Variants in EOMES observed in about 807,000 individuals in gnomAD.
EOMES encodes the protein eomesodermin, also known as eomesodermin homolog.
EOMES carries 18 observed loss-of-function variants against 61.0 expected under a neutral mutation model. That is an observed-to-expected ratio of 0.30 (90% CI 0.20 to 0.44). The LOEUF (loss-of-function observed/expected upper bound fraction) is 0.44. EOMES is among the 20% of genes least tolerant of loss of function. The probability of loss-of-function intolerance (pLI) is 1.00; values close to 1 mark genes in which losing one functional copy is unlikely to be tolerated. For synonymous variants in EOMES, 430 were observed against 394.0 expected (o/e 1.09, Z -1.08); for missense variants, 885 against 939.2 (o/e 0.94, Z 0.75).
chr3:27,721,358 G>A lies in EOMES; in HGVS notation c.881+56C>T. 6.8e-7 allele frequency: 1 copy of A among 1,465,938 alleles called. No homozygotes were observed. Among genetic ancestry groups the A allele is most frequent in the Non-Finnish European group, 9.3e-7 (1 of 1,069,794 alleles). The allele number at this position is 1,465,938 out of a possible 1,614,324, so 90.8% of individuals were successfully genotyped here. A position where few individuals can be genotyped will look rare whatever the true frequency, so the allele number is the denominator to read the frequency against. On this transcript the variant is annotated intron_variant, in intron 1 of 5. Transcript: ENST00000449599. This position sits in a 1 kb window ranked among gnomAD's most constrained non-coding sequence, Gnocchi z 7.4. ...GCTCCCTCATCCCGGACCTTCCCCAGGACCACACGTCACCCTTTATCCCCG... is the reference window on the plus strand; with the variant it reads ...GCTCCCTCATCCCGGACCTTCCCCAAGACCACACGTCACCCTTTATCCCCG...
chr3:27,720,386 A>G, intron 1 of EOMES, 61 bp from the exon 2 acceptor site: 2 of 1,490,122 alleles, frequency 1.3e-6, no homozygotes, highest in Non-Finnish European at 1.9e-6. Context: ...GAACAGGCCC[A>G]GGCCCCAGCG....
chr3:27,720,241 C>T lies in EOMES; in HGVS notation c.966G>A (p.Ala322=), dbSNP rs1202281120. The change falls in exon 2 of 6, where the codon GCG becomes GCA. Residue 322 remains alanine, a synonymous_variant. Coordinates refer to ENST00000449599, the MANE Select transcript of EOMES (RefSeq NM_001278182.2). ...CCTGGAAGCGCCAGTGGTTGGGGTCCGCCAGCACCACCTCTACGAACACAT... is the reference window on the plus strand; with the variant it reads ...CCTGGAAGCGCCAGTGGTTGGGGTCTGCCAGCACCACCTCTACGAACACAT... ...HYNVFVEVVL[A]DPNHWRFQGG... 8 of 1,613,016 alleles carry T rather than the reference C, an allele frequency of 5.0e-6. No individual in the cohort carries two copies. Among genetic ancestry groups the T allele is most frequent in the Admixed American group, 1.7e-5 (1 of 59,812 alleles).
chr3:27,719,254 C>G (rs949170181), intron 3 of EOMES, 106 bp downstream of exon 3: 1 of 1,193,686 alleles, frequency 8.4e-7, no homozygotes. Context: ...GCAAACAGGT[C>G]ACAAATGCAA....
At chr3:27,722,500 C>G, upstream of EOMES, 1 of 1,349,886 alleles carries the variant, frequency 7.4e-7, no homozygotes, top group South Asian at 2.0e-5. Context: ...GGAAGGAAAG[C>G]GCCGTGAGTT....
At position 27,722,242 on chromosome 3, in the gene EOMES, T is replaced by C; in HGVS notation, c.53A>G (p.His18Arg). 6.2e-6 allele frequency: 10 copies of C among 1,605,174 alleles called. No homozygotes were observed. The highest frequency in any genetic ancestry group is 3.4e-6 in the Non-Finnish European group (4 of 1,176,718). ...TCGCGCACTCTCCAGCGGGTAGAAG[T>C]GCGCGCCAGGCAGGTTCACTGAGCT... ...LVSSVNLPGAHFYPLESARGG... is the reference protein window; with the variant it reads ...LVSSVNLPGARFYPLESARGG... The change falls in exon 1 of 6, where the codon CAC becomes CGC. Residue 18 changes from histidine (H) to arginine (R), a missense_variant. His to Arg is a conservative substitution (Grantham distance 29). Around this residue, in one of 3 missense-constraint regions of EOMES, gnomAD observed 449 missense variants for 383.6 expected, o/e 1.17. Transcript: ENST00000449599.
Position 27,716,365 on chromosome 3 carries a change from T to G in EOMES, c.*705A>C, listed in dbSNP as rs551950106. 6.7e-6 allele frequency: 1 copy of G among 149,426 alleles called. No individual in the cohort carries two copies. The highest frequency in any genetic ancestry group is 2.0e-4 in the East Asian group (1 of 4,946). 9.3% of individuals were successfully genotyped at this position (149,426 alleles called of 1,614,324 possible). A position where few individuals can be genotyped will look rare whatever the true frequency, so the allele number is the denominator to read the frequency against. The stretch of plus-strand genomic sequence containing the variant: ...TATCTAAACACACAACTGTACACTT[T>G]TAAATTCTCCCTTTTTTTTTTTTTT... On this transcript the variant is annotated 3_prime_UTR_variant, in exon 6 of 6. Coordinates refer to ENST00000449599, the MANE Select transcript of EOMES (RefSeq NM_001278182.2).
Position 27,721,701 on chromosome 3 carries a change from C to G in EOMES, c.594G>C (p.Ala198=), listed in dbSNP as rs1190296745. The G allele has an allele frequency of 1.3e-6, 2 of 1,494,184 alleles. No individual in the cohort carries two copies. Among genetic ancestry groups the G allele is most frequent in the Admixed American group, 2.7e-5 (1 of 37,446 alleles). 92.6% of individuals were successfully genotyped at this position (1,494,184 alleles called of 1,614,324 possible). The change falls in exon 1 of 6, where the codon GCG becomes GCC. Residue 198 remains alanine, a synonymous_variant. Coordinates refer to ENST00000449599, the MANE Select transcript of EOMES (RefSeq NM_001278182.2). This position sits in a 1 kb window ranked among gnomAD's most constrained non-coding sequence, Gnocchi z 7.4. ...GSMLPPGGFP[A]AVCPPGRAQF... Reference sequence around the variant, plus strand: ...GCGCCCTCCCGGGTGGGCACACAGCCGCGGGGAAGCCGCCGGGGGGCAGCA... The same window carrying G: ...GCGCCCTCCCGGGTGGGCACACAGCGGCGGGGAAGCCGCCGGGGGGCAGCA...
In EOMES at chr3:27,717,460, T is replaced by C. The variant is rs1329457317; in HGVS notation, c.1728A>G (p.Thr576=). The C allele has an allele frequency of 4.3e-6, 7 of 1,614,218 alleles. No individual in the cohort carries two copies. Among genetic ancestry groups the C allele is most frequent in the Non-Finnish European group, 5.9e-6 (7 of 1,180,046 alleles). The part of the protein sequence containing the change: ...PYGIKSLPLQ[T]SHALGYYPDP... ...CTGGGTAATACCCCAGGGCATGGGA[T>C]GTCTGAAGGGGCAAGGATTTAATGC... Residue 576 remains threonine, a synonymous_variant, in exon 6 of 6, where the codon ACA becomes ACG. Coordinates refer to ENST00000449599, the MANE Select transcript of EOMES (RefSeq NM_001278182.2). This position sits in a 1 kb window ranked among gnomAD's most constrained non-coding sequence, Gnocchi z 4.5.
chr3:27,718,523 G>A lies in EOMES; in HGVS notation c.1379+64C>T. ...CTTCCTAAAATACATTATCAGCAAA[G>A]TGCCTGTTGATGTATGTCCTGCTCA... is the stretch of plus-strand genomic sequence containing the variant. On this transcript the variant is annotated intron_variant, in intron 5 of 5. Transcript: ENST00000449599. The A allele has an allele frequency of 4.7e-5, 50 of 1,067,906 alleles. No individual in the cohort carries two copies. The South Asian group carries it at 7.6e-4, about 16-fold the overall frequency. 66.2% of individuals were successfully genotyped at this position (1,067,906 alleles called of 1,614,324 possible). A position where few individuals can be genotyped will look rare whatever the true frequency, so the allele number is the denominator to read the frequency against.
rs375328447 is a variant in EOMES at position 27,721,432 on chromosome 3, A to T, written c.863T>A (p.Ile288Asn). ...LKFHRHQTEM[I>N]ITKQGRRMFP... The stretch of plus-strand genomic sequence containing the variant: ...CGCTCACCTGCCCTGTTTCGTAATG[A>T]TCATCTCAGTTTGGTGGCGGTGGAA... The change falls in exon 1 of 6, where the codon ATC (isoleucine) becomes AAC (asparagine). Residue 288 changes from isoleucine (I) to asparagine (N), a missense_variant. Coordinates refer to ENST00000449599, the MANE Select transcript of EOMES (RefSeq NM_001278182.2). This position sits in a 1 kb window ranked among gnomAD's most constrained non-coding sequence, Gnocchi z 7.4. 2 of 1,612,610 alleles carry T rather than the reference A, an allele frequency of 1.2e-6. No homozygotes were observed. Among genetic ancestry groups the T allele is most frequent in the Non-Finnish European group, 1.7e-6 (2 of 1,179,570 alleles).
At chr3:27,718,246 G>T (rs1465911433) in intron 5 of EOMES, among the ~76,000 whole-genome samples, 1 of 151,920 alleles carries the variant, frequency 6.6e-6, no homozygotes, top group Non-Finnish European at 1.5e-5. Flanking sequence ...AAAAGTGGGG[G>T]TGGGGGAGAG....
In EOMES at chr3:27,722,156, C is replaced by T; in HGVS notation, c.139G>A (p.Asp47Asn). Residue 47 changes from aspartate (D) to asparagine (N), a missense_variant, in exon 1 of 6, where the codon GAC becomes AAC. Around this residue, in one of 3 missense-constraint regions of EOMES, gnomAD observed 449 missense variants for 383.6 expected, o/e 1.17. Coordinates refer to ENST00000449599, the MANE Select transcript of EOMES (RefSeq NM_001278182.2). ...PSAAPSPQKL[D>N]LDKASKKFSG... ...AACTTCTTGGACGCTTTGTCTAAGT[C>T]CAACTTCTGAGGAGAGGGGGCCGCG... is the stretch of plus-strand genomic sequence containing the variant. 1 of 1,576,228 alleles carries T rather than the reference C, an allele frequency of 6.3e-7. No individual in the cohort carries two copies. Among genetic ancestry groups the T allele is most frequent in the East Asian group, 2.3e-5 (1 of 43,288 alleles).
Position 27,717,484 on chromosome 3 carries a change from G to A in EOMES, c.1704C>T (p.Gly568=), listed in dbSNP as rs1367431891. The change falls in exon 6 of 6, where the codon GGC becomes GGT. Residue 568 remains glycine (G), a synonymous_variant. Transcript: ENST00000449599. This position sits in a 1 kb window ranked among gnomAD's most constrained non-coding sequence, Gnocchi z 4.5. ...ATGTCTGAAGGGGCAAGGATTTAAT[G>A]CCATATGGGAGCAATGTGCTAGAAG... ...EYTSSTLLPY[G]IKSLPLQTSH... The A allele has an allele frequency of 2.5e-6, 4 of 1,614,110 alleles. No homozygotes were observed. The highest frequency in any genetic ancestry group is 3.4e-6 in the Non-Finnish European group (4 of 1,179,960).
Position 27,720,225 on chromosome 3 carries a change from G to A in EOMES, c.982C>T (p.Arg328Cys), listed in dbSNP as rs2060600961. 6.2e-7 allele frequency: 1 copy of A among 1,610,360 alleles called. No individual in the cohort carries two copies. The highest frequency in any genetic ancestry group is 1.3e-5 in the African/African-American group (1 of 74,622). Residue 328 changes from arginine to cysteine, a missense_variant, in exon 2 of 6, where the codon CGC (arginine) becomes TGC (cysteine). Transcript: ENST00000449599. ...EVVLADPNHW[R>C]FQGGKWVTCG... is the part of the protein sequence containing the mutation. ...GTCACCCATTTGCCCCCCTGGAAGC[G>A]CCAGTGGTTGGGGTCCGCCAGCACC...
chr3:27,716,852 T>A lies in EOMES; in HGVS notation c.*218A>T, dbSNP rs1294446024. On this transcript the variant is annotated 3_prime_UTR_variant, in exon 6 of 6. Transcript: ENST00000449599. ...CTTCGAATTTTAAAATACCTTAAAG[T>A]CTTCCATTAATCTTATTTTTTAAAA... 1.9e-6 allele frequency: 1 copy of A among 538,142 alleles called. No individual in the cohort carries two copies. Among genetic ancestry groups the A allele is most frequent in the Non-Finnish European group, 3.3e-6 (1 of 306,338 alleles). The allele number at this position is 538,142 out of a possible 1,614,324, so 33.3% of individuals were successfully genotyped here. A position where few individuals can be genotyped will look rare whatever the true frequency, so the allele number is the denominator to read the frequency against.
At position 27,717,655 on chromosome 3, in the gene EOMES, G is replaced by T. The variant is rs62253095; in HGVS notation, c.1533C>A (p.Gly511=). ...CGTTGGTCTGTGGCACGGTTCTCTC[G>T]CCATTATAATAGCGGGCTTGAGGTA... is the stretch of plus-strand genomic sequence containing the variant. ...NTLPQARYYN[G]ERTVPQTNGL... The change falls in exon 6 of 6, where the codon GGC becomes GGA. Residue 511 remains glycine (G), a synonymous_variant. Transcript: ENST00000449599. This position sits in a 1 kb window ranked among gnomAD's most constrained non-coding sequence, Gnocchi z 4.5. The T allele has an allele frequency of 6.2e-7, 1 of 1,614,022 alleles. No homozygotes were observed. Among genetic ancestry groups the T allele is most frequent in the Middle Eastern group, 1.7e-4 (1 of 6,060 alleles).
intron 2 of EOMES, 25 bp downstream of exon 2, chr3:27,720,146 C>A (rs190413466): frequency 2.0e-4 from 300 of 1,532,964 alleles, no homozygotes; most frequent in Admixed American, 1.3e-3. Context: ...CGTTCCTCCC[C>A]GGCCCGAGCC....
chr3:27,721,629 G>T lies in EOMES; in HGVS notation c.666C>A (p.Ser222Arg). ...AGGTGCCCGGGCCGCCGCCCCCGCC[G>T]CTGCTACCGCCCGCGCCACTGCCCG... ...AGAGSGAGGS[S>R]GGGGGPGTYQ... is the part of the protein sequence containing the mutation. Residue 222 changes from serine to arginine, a missense_variant, in exon 1 of 6, where the codon AGC becomes AGA. Transcript: ENST00000449599. The surrounding 1 kb of genome is among the most constrained non-coding windows in gnomAD (Gnocchi z 7.4). 1 of 1,542,496 alleles carries T rather than the reference G, an allele frequency of 6.5e-7. No individual in the cohort carries two copies. The highest frequency in any genetic ancestry group is 1.2e-5 in the South Asian group (1 of 84,180).
At chr3:27,719,545 C>A in intron 2 of EOMES, 64 bp from the exon 3 acceptor site, 1 of 1,444,722 alleles carries the variant, frequency 6.9e-7, no homozygotes, top group Non-Finnish European at 9.6e-7. Context: ...ATGGAGAAAG[C>A]GGAGGGATGT....
Sources: gnomAD v4.1 joint callset for allele counts (sites outside exome capture counted in the v4.1 genomes callset) on GRCh38, gnomAD v4.1.1 for gene constraint, gnomAD v4.1.1 regional missense constraint, Gnocchi (gnomAD v3.1) non-coding constraint, MANE v1.5 for transcripts, NCBI Gene and HGNC (gene_info 2026-07-23, HGNC 2026-07-21) for gene names.